ANKRD30BL: variants seen among roughly 807,000 people sequenced by gnomAD.
The protein encoded by ANKRD30BL is putative ankyrin repeat domain-containing protein 30B-like.
A neutral mutation model predicts 18.4 loss-of-function variants in ANKRD30BL; 20 were observed. The ratio of observed to expected loss-of-function variants is 1.09; its 90% CI spans 0.77 to 1.58. The LOEUF is 1.58. Ranked by LOEUF, ANKRD30BL falls within the 40% of genes most tolerant of loss-of-function variation. The probability of loss-of-function intolerance (pLI) is 0.00; values close to 1 mark genes in which losing one functional copy is unlikely to be tolerated. For missense variants in ANKRD30BL, 224 were observed against 268.6 expected (o/e 0.83, Z 1.16); for synonymous variants, 72 against 100.9 (o/e 0.71, Z 1.72).
intron 1 of ANKRD30BL, among the ~76,000 whole-genome samples, chr2:132,240,867 A>T (rs1680298185): frequency 6.6e-6 from 1 of 151,926 alleles, no homozygotes; most frequent in South Asian, 2.1e-4. Flanking sequence ...ATTCTCAGAA[A>T]CTTCTTTATG....
At chr2:132,251,258 G>T (rs1381715854) in intron 1 of ANKRD30BL, among the ~76,000 whole-genome samples, 1 of 152,136 alleles carries the variant, frequency 6.6e-6, no homozygotes, top group African/African-American at 2.4e-5. Context: ...ATCAAAACCT[G>T]GAAACTGACA....
intron 1 of ANKRD30BL, among the ~76,000 whole-genome samples, chr2:132,237,158 G>A (rs1680172467): frequency 6.6e-6 from 1 of 152,084 alleles, no homozygotes; most frequent in South Asian, 2.1e-4. Flanking sequence ...ATACCATTGG[G>A]AGATATACCT....
In ANKRD30BL at chr2:132,200,827, G is replaced by A. The variant is rs370407133; in HGVS notation, n.442-43681C>T. On this transcript the variant is annotated intron_variant and non_coding_transcript_variant, in intron 1 of 4. Transcript: ENST00000470729. ...TTCATATGGAACCAAAAAAGAGCCC[G>A]CATCGCCAAGTCAATCCTAAGCCAA... 8.3e-4 allele frequency among the ~76,000 whole-genome samples: 127 copies of A among 152,148 alleles called. 3 individuals carry two copies. In the East Asian group the frequency reaches 0.02, roughly 25 times the overall value.
chr2:132,217,958 T>A (rs1679554081), intron 1 of ANKRD30BL, among the ~76,000 whole-genome samples: 1 of 151,512 alleles, frequency 6.6e-6, no homozygotes, highest in African/African-American at 2.4e-5. Context: ...TCACATAAAC[T>A]CTAGACAGAA....
Position 132,239,763 on chromosome 2 carries a change from G to A in ANKRD30BL, n.441+17766C>T, listed in dbSNP as rs558798951. On this transcript the variant is annotated intron_variant and non_coding_transcript_variant, in intron 1 of 4. Coordinates refer to the ANKRD30BL transcript ENST00000470729. ...AACACTCTTTTTGTAGTTTCACTAA[G>A]TGGACATTTGGAGCGCTTTGAGGCC... Among the ~76,000 whole-genome samples the A allele has an allele frequency of 8.0e-3, 1,217 of 151,856 alleles. 13 individuals carry two copies. The highest frequency in any genetic ancestry group is 0.014 in the Middle Eastern group (4 of 288).
At chr2:132,252,103 C>A (rs1385413626) in intron 1 of ANKRD30BL, among the ~76,000 whole-genome samples, 5 of 151,104 alleles carry the variant, frequency 3.3e-5, no homozygotes, top group African/African-American at 9.9e-5. Flanking sequence ...TTATCTTTTA[C>A]TCCCTTTTAT....
intron 3 of ANKRD30BL, chr2:132,155,910 A>AAG (rs1164150582): frequency 1.3e-5 from 2 of 151,796 alleles, no homozygotes; most frequent in African/African-American, 4.8e-5. Context: ...AAAAAAAAAA[A>AAG]AAGAAGAAAA....
chr2:132,203,110 C>A (rs1210287428), intron 1 of ANKRD30BL, among the ~76,000 whole-genome samples: 1 of 152,272 alleles, frequency 6.6e-6, no homozygotes, highest in Non-Finnish European at 1.5e-5. Flanking sequence ...ACCACCCACC[C>A]CTGCTGAAAT....
At chr2:132,175,570 A>C (rs1293189913) in intron 1 of ANKRD30BL, among the ~76,000 whole-genome samples, 1 of 152,206 alleles carries the variant, frequency 6.6e-6, no homozygotes, top group Non-Finnish European at 1.5e-5. Flanking sequence ...TTCCTGTTTT[A>C]CTAATCCACC....
intron 1 of ANKRD30BL, among the ~76,000 whole-genome samples, chr2:132,175,935 T>A (rs1169711217): frequency 1.3e-5 from 2 of 152,130 alleles, no homozygotes; most frequent in Admixed American, 6.5e-5. Context: ...ATTAACAGCA[T>A]CTCAGGGCAA....
At position 132,154,728 on chromosome 2, in the gene ANKRD30BL, C is replaced by A. The variant is rs1466654113; in HGVS notation, c.548G>T (p.Ser183Ile). 2 of 732,122 alleles carry A rather than the reference C, an allele frequency of 2.7e-6. No homozygotes were observed. The highest frequency in any genetic ancestry group is 5.1e-6 in the Non-Finnish European group (2 of 391,994). The allele number at this position is 732,122 out of a possible 1,614,324, so 45.4% of individuals were successfully genotyped here. A position where few individuals can be genotyped will look rare whatever the true frequency, so the allele number is the denominator to read the frequency against. The change falls in exon 4 of 6, where the codon AGT (serine) becomes ATT (isoleucine). Residue 183 changes from serine to isoleucine, a missense_variant. Around this residue, in one of 3 missense-constraint regions of ANKRD30BL, gnomAD observed 63 missense variants for 62.3 expected, o/e 1.01. Transcript: ENST00000409867. The part of the protein sequence containing the change: ...TPLLLAIRKR[S>I]EEIVEFLLTK... ...CAGTAAAAATTCCACAATTTCCTCA[C>A]TTCTTTTCCTTATGGCCAGTAAAAG... is the stretch of plus-strand genomic sequence containing the variant.
chr2:132,243,035 G>A (rs1424605730), intron 1 of ANKRD30BL, among the ~76,000 whole-genome samples: 13 of 151,590 alleles, frequency 8.6e-5, no homozygotes, highest in South Asian at 4.2e-4. Flanking sequence ...TGAGGATTTC[G>A]TTGGAAACGG....
At chr2:132,231,369 C>T (rs955005822) in intron 1 of ANKRD30BL, among the ~76,000 whole-genome samples, 7 of 152,212 alleles carry the variant, frequency 4.6e-5, no homozygotes, top group Non-Finnish European at 8.8e-5. Context: ...CTCTGGTCTA[C>T]AGCTCCCAGC....
At position 132,148,334 on chromosome 2, in the gene ANKRD30BL, C is replaced by T. The variant is rs1687663819; in HGVS notation, c.680-106G>A. The T allele has an allele frequency of 8.8e-6, 4 of 453,696 alleles. No homozygotes were observed. The Admixed American group carries it at 1.1e-4, about 13-fold the overall frequency. 28.1% of individuals were successfully genotyped at this position (453,696 alleles called of 1,614,324 possible). A position where few individuals can be genotyped will look rare whatever the true frequency, so the allele number is the denominator to read the frequency against. On this transcript the variant is annotated intron_variant, in intron 5 of 5. Transcript: ENST00000409867. ...TTCAGCTTGCTTTCCTTAAATACTA[C>T]CAAACTTTTGTTTTCTCCTTTTTTT...
intron 1 of ANKRD30BL, among the ~76,000 whole-genome samples, chr2:132,235,587 A>T (rs1310478070): frequency 6.6e-6 from 1 of 152,142 alleles, no homozygotes; most frequent in African/African-American, 2.4e-5. Flanking sequence ...TCCCATTCAC[A>T]ATTGCTTCAA....
intron 1 of ANKRD30BL, among the ~76,000 whole-genome samples, chr2:132,195,788 C>CA (rs1205804103): frequency 0.072 from 3,333 of 46,062 alleles, 48 homozygotes; most frequent in Middle Eastern, 0.11. Context: ...GAGCCTCTGC[C>CA]AAAAAAAAAA....
intron 1 of ANKRD30BL, among the ~76,000 whole-genome samples, chr2:132,231,619 C>T (rs529820512): frequency 1.9e-4 from 29 of 152,162 alleles, no homozygotes; most frequent in Admixed American, 1.0e-3. Flanking sequence ...CCGAATATAG[C>T]GCTTTTCGGA....
intron 1 of ANKRD30BL, among the ~76,000 whole-genome samples, chr2:132,251,775 T>A (rs542131051): frequency 1.3e-3 from 200 of 152,354 alleles, no homozygotes; most frequent in Middle Eastern, 6.8e-3. Context: ...TTGCCTAACA[T>A]TTATTGTTGC....
chr2:132,257,477 C>T (rs959262883), intron 1 of ANKRD30BL: 2 of 264,116 alleles, frequency 7.6e-6, no homozygotes, highest in Non-Finnish European at 1.5e-5. Context: ...CGACGAGCTT[C>T]CCTGGGTCCC....
Sources: gnomAD v4.1 joint callset for allele counts (sites outside exome capture counted in the v4.1 genomes callset) on GRCh38, gnomAD v4.1.1 for gene constraint, gnomAD v4.1.1 regional missense constraint, MANE v1.5 for transcripts, NCBI Gene and HGNC (gene_info 2026-07-23, HGNC 2026-07-21) for gene names.